PRTG: variants seen among roughly 807,000 people sequenced by gnomAD.
The protein encoded by PRTG is protogenin.
In PRTG, 67 loss-of-function variants were observed where a neutral mutation model predicts 122.5. That is an observed-to-expected ratio of 0.55 (90% CI 0.45 to 0.67). The LOEUF (loss-of-function observed/expected upper bound fraction) is 0.67. Among genes scored for constraint, PRTG ranks in the 30% least tolerant of loss-of-function variants. The probability of loss-of-function intolerance (pLI) is 0.00; values close to 1 mark genes in which losing one functional copy is unlikely to be tolerated. For missense variants in PRTG, 1,435 were observed against 1,415.4 expected (o/e 1.01, Z -0.22); for synonymous variants, 554 against 501.1 (o/e 1.11, Z -1.41).
chr15:55,712,420 C>A (rs943777238), intron 2 of PRTG, among the ~76,000 whole-genome samples: 8 of 151,938 alleles, frequency 5.3e-5, no homozygotes, highest in Non-Finnish European at 7.3e-5. Flanking sequence ...TGTGTTTCAA[C>A]CAAACCCACA....
intron 11 of PRTG, among the ~76,000 whole-genome samples, chr15:55,656,749 C>T (rs2059382463): frequency 3.3e-5 from 5 of 152,242 alleles, no homozygotes; most frequent in African/African-American, 1.2e-4. Context: ...ACCTCATGAT[C>T]TGCCCATCTC....
intron 18 of PRTG, 92 bp from the exon 19 acceptor site, chr15:55,620,859 G>A (rs2059162459): frequency 3.8e-6 from 4 of 1,046,244 alleles, no homozygotes; most frequent in Non-Finnish European, 5.6e-6. Context: ...TTTACTATAT[G>A]CTTCACATTT....
intron 15 of PRTG, among the ~76,000 whole-genome samples, chr15:55,636,200 C>T (rs1417802859): frequency 6.6e-6 from 1 of 151,844 alleles, no homozygotes; most frequent in Non-Finnish European, 1.5e-5. Flanking sequence ...TTTTTCTCAA[C>T]TAAAAAAAAA....
chr15:55,734,608 ATATG>A (rs1439758003), intron 2 of PRTG, among the ~76,000 whole-genome samples: 36 of 151,440 alleles, frequency 2.4e-4, no homozygotes, highest in African/African-American at 8.7e-4. Context: ...TATAACATAT[ATATG>A]TATTATAAAC....
At chr15:55,738,305 G>C (rs1159558755) in intron 2 of PRTG, 1 of 420,514 alleles carries the variant, frequency 2.4e-6, no homozygotes, top group African/African-American at 2.0e-5. Context: ...CTGACATTTT[G>C]TTTGTTACAC....
Position 55,669,885 on chromosome 15 carries a change from T to C in PRTG, c.2041+2560A>G, listed in dbSNP as rs369573544. On this transcript the variant is annotated intron_variant, in intron 11 of 19. Coordinates refer to ENST00000389286, the MANE Select transcript of PRTG (RefSeq NM_173814.6). ...GTCAGGAAACATGCAGCTATTTTAA[T>C]AGACATAGTATATTGACAAAATAAT... Among the ~76,000 whole-genome samples the C allele has an allele frequency of 2.9e-4, 44 of 152,356 alleles. No homozygotes were observed. The South Asian group carries it at 8.9e-3, about 31-fold the overall frequency.
chr15:55,720,992 G>GT (rs1294162974), intron 2 of PRTG, among the ~76,000 whole-genome samples: 12 of 151,726 alleles, frequency 7.9e-5, no homozygotes, highest in Admixed American at 2.6e-4. Flanking sequence ...CGAAAACTAC[G>GT]TTTTTCCCAG....
intron 2 of PRTG, among the ~76,000 whole-genome samples, chr15:55,706,637 G>GT (rs2030133017): frequency 6.7e-6 from 1 of 150,028 alleles, no homozygotes; most frequent in Non-Finnish European, 1.5e-5. Context: ...ATGGTGGCTC[G>GT]TATCTGTATT....
At chr15:55,742,550 G>C in intron 1 of PRTG, 1 of 420,268 alleles carries the variant, frequency 2.4e-6, no homozygotes, top group Non-Finnish European at 4.2e-6. Flanking sequence ...GACCAGAGTG[G>C]ACAGCGGCCG....
chr15:55,662,001 C>T (rs570803213), intron 11 of PRTG, among the ~76,000 whole-genome samples: 1 of 151,684 alleles, frequency 6.6e-6, no homozygotes, highest in Non-Finnish European at 1.5e-5. Flanking sequence ...TAGAGCATTT[C>T]GAAAGGTGAT....
chr15:55,637,874 A>C (rs1595609921), intron 14 of PRTG, among the ~76,000 whole-genome samples: 1 of 152,320 alleles, frequency 6.6e-6, no homozygotes, highest in Non-Finnish European at 1.5e-5. Flanking sequence ...AGTTGACTCC[A>C]TGTTTAATAT....
Position 55,620,086 on chromosome 15 carries a change from C to T in PRTG, c.3379G>A (p.Gly1127Arg). The change falls in exon 20 of 20, where the codon GGG (glycine) becomes AGG (arginine). Residue 1127 changes from glycine (G) to arginine (R), a missense_variant. Gly to Arg is a moderately radical substitution (Grantham distance 125). Coordinates refer to ENST00000389286, the MANE Select transcript of PRTG (RefSeq NM_173814.6). ...SEGSHETGDS[G>R]RFSHESNDEI... is the part of the protein sequence containing the mutation. ...TCGTTGGACTCATGAGAAAACCGCC[C>T]AGAATCCCCAGTCTCATGGCTGCCT... 6.2e-7 allele frequency: 1 copy of T among 1,614,168 alleles called. No homozygotes were observed. The highest frequency in any genetic ancestry group is 8.5e-7 in the Non-Finnish European group (1 of 1,180,022).
intron 2 of PRTG, among the ~76,000 whole-genome samples, chr15:55,698,008 C>G (rs950294207): frequency 6.6e-6 from 1 of 152,140 alleles, no homozygotes; most frequent in Non-Finnish European, 1.5e-5. Context: ...ATTCACCTAG[C>G]TTCTCTTCCT....
At chr15:55,722,229 T>A (rs146632322) in intron 2 of PRTG, among the ~76,000 whole-genome samples, 722 of 152,300 alleles carry the variant, frequency 4.7e-3, no homozygotes, top group African/African-American at 0.017. Context: ...TTGGAAGAAA[T>A]ACCACCACAT....
chr15:55,627,636 G>A (rs566743391), intron 16 of PRTG, among the ~76,000 whole-genome samples: 22 of 151,812 alleles, frequency 1.4e-4, no homozygotes, highest in East Asian at 7.7e-4. Flanking sequence ...CACCACGCCC[G>A]GCCCAATATT....
intron 2 of PRTG, among the ~76,000 whole-genome samples, chr15:55,708,179 A>C (rs1171684548): frequency 7.2e-6 from 1 of 139,360 alleles, no homozygotes; most frequent in African/African-American, 2.6e-5. Context: ...AAAAAAAAAC[A>C]GAGGCAGAAG....
At chr15:55,624,027 G>A (rs1317975012) in intron 18 of PRTG, among the ~76,000 whole-genome samples, 1 of 152,118 alleles carries the variant, frequency 6.6e-6, no homozygotes, top group East Asian at 1.9e-4. Context: ...ATAGACTAAT[G>A]ACCATGGTGT....
At chr15:55,623,994 G>C (rs1339376817) in intron 18 of PRTG, among the ~76,000 whole-genome samples, 2 of 152,072 alleles carry the variant, frequency 1.3e-5, no homozygotes, top group African/African-American at 4.8e-5. Flanking sequence ...AGTAAATACA[G>C]GTCAGTCCAA....
intron 15 of PRTG, among the ~76,000 whole-genome samples, chr15:55,635,069 T>TTC (rs1462362574): frequency 0.055 from 1,801 of 32,668 alleles, 34 homozygotes; most frequent in African/African-American, 0.11. Flanking sequence ...CTGTTGTTGG[T>TTC]TCTGGGTGTG....
Sources: allele counts gnomAD v4.1 joint callset (sites outside exome capture counted in the v4.1 genomes callset), GRCh38; gene constraint gnomAD v4.1.1; transcripts MANE v1.5; gene names NCBI Gene and HGNC (gene_info 2026-07-23, HGNC 2026-07-21).